Variants in RTL4 observed in about 807,000 individuals in gnomAD.
RTL4 encodes retrotransposon Gag-like protein 4.
Under a neutral mutation model 5.3 loss-of-function variants are expected in RTL4, and 4 were observed. That is an observed-to-expected ratio of 0.75 (90% CI 0.37 to 1.72). The LOEUF (loss-of-function observed/expected upper bound fraction) is 1.72. Among genes scored for constraint, RTL4 ranks in the 40% most tolerant of loss-of-function variants. The pLI, the probability that RTL4 is intolerant of heterozygous loss-of-function variation, is 0.04. For missense variants in RTL4, 260 were observed against 227.1 expected, an observed-to-expected ratio of 1.14 and a Z score of -0.93; for synonymous variants, 98 against 87.3, an observed-to-expected ratio of 1.12 and a Z score of -0.68.
At chrX:112,363,068 T>C in the RTL4 span, among the ~76,000 whole-genome samples, 4 of 110,893 alleles carry the variant, frequency 3.6e-5, no homozygotes, top group African/African-American at 1.3e-4. Flanking sequence ...CAAAGTTATC[T>C]GATCAGAAAA....
At chrX:112,432,244 C>G in the RTL4 span, among the ~76,000 whole-genome samples, 3 of 100,086 alleles carry the variant, frequency 3.0e-5, no homozygotes, top group Non-Finnish European at 6.1e-5. Context: ...GGGTATATAC[C>G]CAGTAATGGG....
chrX:112,278,552 G>T, the RTL4 span, among the ~76,000 whole-genome samples: 3 of 111,450 alleles, frequency 2.7e-5, no homozygotes, highest in African/African-American at 6.5e-5. Flanking sequence ...AGTTATTACT[G>T]GTTATTACTG....
chrX:112,099,754 G>T, the RTL4 span, among the ~76,000 whole-genome samples: 1 of 111,337 alleles, frequency 9.0e-6, no homozygotes, highest in African/African-American at 3.3e-5. Flanking sequence ...TCAGAGAATG[G>T]GATTGGTATA....
the RTL4 span, among the ~76,000 whole-genome samples, chrX:112,165,900 A>G: frequency 6.6e-3 from 746 of 112,492 alleles, 5 homozygotes; most frequent in African/African-American, 0.022. Context: ...TTCAAATGCC[A>G]TTAATGGAGA....
chrX:112,198,278 A>G, the RTL4 span, among the ~76,000 whole-genome samples: 2 of 111,962 alleles, frequency 1.8e-5, no homozygotes, highest in Non-Finnish European at 3.8e-5. Flanking sequence ...CCACTAGTAT[A>G]TAAGCTTCAT....
At chrX:112,362,065 C>T in the RTL4 span, among the ~76,000 whole-genome samples, 1 of 111,998 alleles carries the variant, frequency 8.9e-6, no homozygotes. Context: ...TATTCAGATA[C>T]CTTTTGTGCA....
chrX:112,147,471 C>T, the RTL4 span, among the ~76,000 whole-genome samples: 4 of 111,749 alleles, frequency 3.6e-5, no homozygotes, highest in Non-Finnish European at 5.6e-5. Flanking sequence ...CTCTGGATCA[C>T]AGACCACAGA....
the RTL4 span, among the ~76,000 whole-genome samples, chrX:112,274,720 T>C: frequency 9.0e-6 from 1 of 111,548 alleles, no homozygotes; most frequent in Admixed American, 9.5e-5. Context: ...TTGGTTAGGG[T>C]CTCCTTTTCC....
exon 1 of RTL4, chrX:112,455,456 C>T (rs1926823226): frequency 8.3e-7 from 1 of 1,210,598 alleles, no homozygotes; most frequent in Non-Finnish European, 1.1e-6. Context: ...CAACACCAAG[C>T]CCTCTTTAGC....
the RTL4 span, among the ~76,000 whole-genome samples, chrX:112,097,048 C>T: frequency 8.9e-6 from 1 of 111,954 alleles, no homozygotes; most frequent in African/African-American, 3.2e-5. Context: ...ACATCTTTGA[C>T]TGCTGAGGTG....
chrX:112,289,736 C>T, the RTL4 span, among the ~76,000 whole-genome samples: 1 of 109,055 alleles, frequency 9.2e-6, no homozygotes, highest in Admixed American at 9.9e-5. Flanking sequence ...GGCTACTTTA[C>T]GTACTATGTG....
chrX:112,127,908 T>G, the RTL4 span, among the ~76,000 whole-genome samples: 1 of 112,098 alleles, frequency 8.9e-6, no homozygotes, highest in African/African-American at 3.2e-5. Flanking sequence ...AAAACATTGC[T>G]TAGGAAATTA....
At chrX:112,370,353 T>C in the RTL4 span, among the ~76,000 whole-genome samples, 2 of 111,274 alleles carry the variant, frequency 1.8e-5, no homozygotes, top group Non-Finnish European at 3.8e-5. Flanking sequence ...CTATGTCCTA[T>C]TGTGCATTCC....
At chrX:112,097,646 C>T in the RTL4 span, among the ~76,000 whole-genome samples, 1 of 111,263 alleles carries the variant, frequency 9.0e-6, no homozygotes, top group African/African-American at 3.3e-5. Context: ...AAAGACTCTG[C>T]CAACAAAGTA....
the RTL4 span, among the ~76,000 whole-genome samples, chrX:112,177,272 T>C: frequency 9.0e-6 from 1 of 111,308 alleles, no homozygotes; most frequent in African/African-American, 3.3e-5. Context: ...ATAGAGTGTA[T>C]ATTAATTTAC....
chrX:112,416,197 T>C, the RTL4 span, among the ~76,000 whole-genome samples: 1 of 111,672 alleles, frequency 9.0e-6, no homozygotes, highest in Non-Finnish European at 1.9e-5. Context: ...CTTCTGGTCT[T>C]ACACCTGTCA....
the RTL4 span, among the ~76,000 whole-genome samples, chrX:112,203,023 C>T: frequency 9.0e-6 from 1 of 111,282 alleles, no homozygotes; most frequent in South Asian, 3.8e-4. Flanking sequence ...TTAATAATGT[C>T]GAACATCTTT....
chrX:112,303,913 C>T, the RTL4 span, among the ~76,000 whole-genome samples: 1 of 111,013 alleles, frequency 9.0e-6, no homozygotes, highest in Non-Finnish European at 1.9e-5. Context: ...ACTAACACAG[C>T]ATTACTACCA....
the RTL4 span, among the ~76,000 whole-genome samples, chrX:112,126,317 G>A: frequency 8.9e-6 from 1 of 112,300 alleles, no homozygotes; most frequent in African/African-American, 3.2e-5. Flanking sequence ...TAAGTGCTTT[G>A]CAAGGCAAAC....
Sources: gnomAD v4.1 joint callset for allele counts (sites outside exome capture counted in the v4.1 genomes callset) on GRCh38, gnomAD v4.1.1 for gene constraint, MANE v1.5 for transcripts, NCBI Gene and HGNC (gene_info 2026-07-23, HGNC 2026-07-21) for gene names.